Variants in SASH1 observed in about 807,000 individuals in gnomAD.
The protein encoded by SASH1 is SAM and SH3 domain-containing protein 1.
Under a neutral mutation model 125.2 loss-of-function variants are expected in SASH1, and 44 were observed. The ratio of observed to expected loss-of-function variants is 0.35; its 90% CI spans 0.28 to 0.45. The LOEUF (loss-of-function observed/expected upper bound fraction) is 0.45, where lower values mean the gene tolerates loss of function less well. SASH1 is among the 20% of genes least tolerant of loss of function. The pLI, the probability that SASH1 is intolerant of heterozygous loss-of-function variation, is 1.00. For synonymous variants in SASH1, 639 were observed against 649.1 expected, an observed-to-expected ratio of 0.98 and a Z score of 0.24; for missense variants, 1,426 against 1,614.5, an observed-to-expected ratio of 0.88 and a Z score of 2.00.
chr6:148,378,031 C>T (rs1001918467), intron 1 of SASH1, among the ~76,000 whole-genome samples: 1 of 151,460 alleles, frequency 6.6e-6, no homozygotes, highest in Non-Finnish European at 1.5e-5. Context: ...GTTCCATTGA[C>T]TGGAGTTCTC....
At chr6:148,528,642 G>GTCTT (rs1308145913) in intron 12 of SASH1, among the ~76,000 whole-genome samples, 1 of 152,138 alleles carries the variant, frequency 6.6e-6, no homozygotes, top group Non-Finnish European at 1.5e-5. Context: ...CCAGGGCAAT[G>GTCTT]TCTTTCAATG....
At chr6:148,230,669 ACCTGT>A in the SASH1 span, among the ~76,000 whole-genome samples, 1 of 152,184 alleles carries the variant, frequency 6.6e-6, no homozygotes, top group African/African-American at 2.4e-5. Context: ...TCTTGTGAAC[ACCTGT>A]CAATTTCATC....
intron 1 of SASH1, among the ~76,000 whole-genome samples, chr6:148,350,002 C>A (rs1384677770): frequency 1.3e-5 from 2 of 152,010 alleles, no homozygotes; most frequent in Admixed American, 6.6e-5. Flanking sequence ...CCTGCCACCA[C>A]GCCCGGCTAA....
intron 4 of SASH1, among the ~76,000 whole-genome samples, chr6:148,446,275 A>AT (rs1321543187): frequency 1.3e-4 from 20 of 151,440 alleles, no homozygotes; most frequent in South Asian, 2.1e-4. Context: ...TGCCCAGCTA[A>AT]TTTTTTGTAT....
At chr6:148,389,837 G>A (rs1374066474) in intron 1 of SASH1, among the ~76,000 whole-genome samples, 1 of 152,222 alleles carries the variant, frequency 6.6e-6, no homozygotes, top group Non-Finnish European at 1.5e-5. Context: ...GTTGGCACCA[G>A]ACCGTCCGAG....
chr6:148,376,962 A>G (rs1448413476), intron 1 of SASH1, among the ~76,000 whole-genome samples: 2 of 151,642 alleles, frequency 1.3e-5, no homozygotes, highest in South Asian at 2.1e-4. Context: ...CGAGGTCAGG[A>G]GATCGAGACC....
At chr6:148,378,571 G>T (rs1250216716) in intron 1 of SASH1, among the ~76,000 whole-genome samples, 1 of 152,110 alleles carries the variant, frequency 6.6e-6, no homozygotes, top group South Asian at 2.1e-4. Flanking sequence ...CGATGCTCAG[G>T]TTGGTCTCAA....
rs749166317 is a variant in SASH1, at chr6:148,532,948, A to C, written c.1716A>C (p.Thr572=). 68 of 1,613,976 alleles carry C rather than the reference A, an allele frequency of 4.2e-5. No individual in the cohort carries two copies. The highest frequency in any genetic ancestry group is 5.4e-5 in the Non-Finnish European group (64 of 1,179,980). ...HTDFTPSPYD[T]DSLKLKKGDI... ...ACTTCACCCCCAGTCCCTATGACAC[A>C]GACTCACTCAAGCTCAAGGTATCTC... is the stretch of plus-strand genomic sequence containing the variant. Residue 572 remains threonine, a synonymous_variant, in exon 14 of 20, where the codon ACA becomes ACC. Coordinates refer to ENST00000367467, the MANE Select transcript of SASH1 (RefSeq NM_015278.5). This position sits in a 1 kb window ranked among gnomAD's most constrained non-coding sequence, Gnocchi z 4.7.
chr6:148,499,061 T>TTTTG (rs887260552), intron 8 of SASH1, among the ~76,000 whole-genome samples: 9 of 150,140 alleles, frequency 6.0e-5, no homozygotes, highest in African/African-American at 2.2e-4. Context: ...TTTTTTGTTT[T>TTTTG]TTTTTTTTTT....
chr6:148,549,491 C>T lies in SASH1; in HGVS notation c.*933C>T, dbSNP rs1291733390. The T allele has an allele frequency of 1.5e-5, 6 of 396,816 alleles. No individual in the cohort carries two copies. Among genetic ancestry groups the T allele is most frequent in the South Asian group, 1.3e-4 (1 of 7,728 alleles). 24.6% of individuals were successfully genotyped at this position (396,816 alleles called of 1,614,324 possible). ...AGTTTAGTATCGTTACTGTGTGGAT[C>T]GTCGCGCTGCAGTATTGACTTGGAA... On this transcript the variant is annotated 3_prime_UTR_variant, in exon 20 of 20. Coordinates refer to ENST00000367467, the MANE Select transcript of SASH1 (RefSeq NM_015278.5).
At chr6:148,233,241 G>T in the SASH1 span, among the ~76,000 whole-genome samples, 2 of 150,322 alleles carry the variant, frequency 1.3e-5, no homozygotes, top group Admixed American at 6.7e-5. Context: ...AAATAGTGAA[G>T]CACAGCCAAG....
intron 4 of SASH1, among the ~76,000 whole-genome samples, chr6:148,465,544 A>G (rs1346296063): frequency 1.4e-5 from 2 of 138,448 alleles, no homozygotes; most frequent in South Asian, 2.5e-4. Context: ...CTCTGTCTCC[A>G]GGAGAAAAAA....
chr6:148,307,034 T>C (rs747356929), intron 1 of SASH1, among the ~76,000 whole-genome samples: 1 of 72,352 alleles, frequency 1.4e-5, no homozygotes, highest in Non-Finnish European at 2.8e-5. Context: ...TTTTCTTTCT[T>C]TCTTTCTTTC....
chr6:148,266,028 A>C, the SASH1 span, among the ~76,000 whole-genome samples: 2 of 151,642 alleles, frequency 1.3e-5, no homozygotes, highest in Non-Finnish European at 2.9e-5. Context: ...GCTAGAGTGC[A>C]ATGGCACAAT....
chr6:148,309,080 T>C (rs1348588375), intron 1 of SASH1, among the ~76,000 whole-genome samples: 3 of 46,616 alleles, frequency 6.4e-5, no homozygotes, highest in African/African-American at 2.4e-4. Flanking sequence ...CAAGACTCTG[T>C]CTCCAAAAAA....
intron 8 of SASH1, among the ~76,000 whole-genome samples, chr6:148,490,112 G>A (rs371582741): frequency 1.1e-4 from 17 of 148,322 alleles, no homozygotes; most frequent in African/African-American, 3.0e-4. Context: ...TCCATCTTAC[G>A]TACCTTGTAT....
intron 1 of SASH1, among the ~76,000 whole-genome samples, chr6:148,369,998 C>G (rs576809795): frequency 1.4e-3 from 149 of 103,114 alleles, no homozygotes; most frequent in African/African-American, 5.2e-3. Flanking sequence ...GAAAGAAAAA[C>G]CCAACCCAAA....
the SASH1 span, among the ~76,000 whole-genome samples, chr6:148,232,089 T>C: frequency 6.6e-6 from 1 of 152,146 alleles, no homozygotes; most frequent in South Asian, 2.1e-4. Context: ...TCCATGCTCT[T>C]ACTCGGTATG....
At chr6:148,539,084 C>T (rs1289917900) in intron 16 of SASH1, among the ~76,000 whole-genome samples, 4 of 148,268 alleles carry the variant, frequency 2.7e-5, no homozygotes, top group Non-Finnish European at 4.5e-5. Context: ...CAGAAGCGTC[C>T]GATGCTGCTT....
Sources: gnomAD v4.1 joint callset for allele counts (sites outside exome capture counted in the v4.1 genomes callset) on GRCh38, gnomAD v4.1.1 for gene constraint, Gnocchi (gnomAD v3.1) non-coding constraint, MANE v1.5 for transcripts, NCBI Gene and HGNC (gene_info 2026-07-23, HGNC 2026-07-21) for gene names.